The following HIBCH variants were observed in gnomAD, a reference collection of about 807,000 sequenced individuals.
HIBCH encodes 3-hydroxyisobutyryl-CoA hydrolase, mitochondrial.
A neutral mutation model predicts 58.2 loss-of-function variants in HIBCH; 50 were observed. That is an observed-to-expected ratio of 0.86 (90% CI 0.68 to 1.09). HIBCH has a LOEUF of 1.09. HIBCH is among the 50% of genes least tolerant of loss of function. The pLI, the probability that HIBCH is intolerant of heterozygous loss-of-function variation, is 0.00. For synonymous variants in HIBCH, 151 were observed against 146.9 expected, an observed-to-expected ratio of 1.03 and a Z score of -0.20; for missense variants, 450 against 449.7, an observed-to-expected ratio of 1.00 and a Z score of -0.01.
At chr2:190,290,346 C>A (rs1021429983) in intron 5 of HIBCH, 59 bp downstream of exon 5, 2 of 1,159,760 alleles carry the variant, frequency 1.7e-6, no homozygotes, top group Admixed American at 3.4e-5. Flanking sequence ...TAACAAAGTA[C>A]ATACTGTCCA....
chr2:190,228,678 T>C (rs1401252156), intron 11 of HIBCH, among the ~76,000 whole-genome samples: 4 of 152,198 alleles, frequency 2.6e-5, no homozygotes, highest in Non-Finnish European at 5.9e-5. Context: ...AGTGAACACA[T>C]TTCTACTTCT....
At chr2:190,274,200 C>G (rs1687485345) in intron 6 of HIBCH, among the ~76,000 whole-genome samples, 1 of 152,234 alleles carries the variant, frequency 6.6e-6, no homozygotes, top group Non-Finnish European at 1.5e-5. Flanking sequence ...TTCTATTCAA[C>G]TGTCACTAAT....
chr2:190,213,052 T>C lies in HIBCH; in HGVS notation c.915A>G (p.Thr305=), dbSNP rs1690550104. The C allele has an allele frequency of 6.2e-7, 1 of 1,608,786 alleles. No individual in the cohort carries two copies. Among genetic ancestry groups the C allele is most frequent in the African/African-American group, 1.3e-5 (1 of 74,804 alleles). Residue 305 remains threonine, a synonymous_variant, in exon 12 of 14, where the codon ACA becomes ACG. Coordinates refer to ENST00000359678, the MANE Select transcript of HIBCH (RefSeq NM_014362.4). ...GTTGCCTTAGTGTGATCTTTAGAGA[T>C]GTTGGAGACATTTTATTAATTACCT... is the stretch of plus-strand genomic sequence containing the variant. The part of the protein sequence containing the change: ...QLKVINKMSP[T]SLKITLRQLM...
intron 1 of HIBCH, among the ~76,000 whole-genome samples, chr2:190,191,687 G>T (rs1474015964): frequency 1.3e-5 from 2 of 152,094 alleles, no homozygotes; most frequent in African/African-American, 4.8e-5. Context: ...TTCTTATCAT[G>T]GCTGTAATTT....
At chr2:190,273,893 T>C (rs1687474627) in intron 6 of HIBCH, among the ~76,000 whole-genome samples, 1 of 152,092 alleles carries the variant, frequency 6.6e-6, no homozygotes, top group Non-Finnish European at 1.5e-5. Context: ...CACTGCAGCC[T>C]TGAATTCCTA....
chr2:190,198,099 T>A (rs1380887759), intron 1 of HIBCH, among the ~76,000 whole-genome samples: 1 of 152,108 alleles, frequency 6.6e-6, no homozygotes, highest in Non-Finnish European at 1.5e-5. Flanking sequence ...AATTAACATC[T>A]CTGAAGTATG....
At chr2:190,272,164 G>A (rs1381242181) in intron 6 of HIBCH, among the ~76,000 whole-genome samples, 1 of 152,138 alleles carries the variant, frequency 6.6e-6, no homozygotes, top group African/African-American at 2.4e-5. Flanking sequence ...ATTGTTTAAT[G>A]TATTTCCAGA....
intron 8 of HIBCH, chr2:190,250,269 G>T: frequency 2.5e-6 from 1 of 398,880 alleles, no homozygotes; most frequent in Non-Finnish European, 5.1e-6. Flanking sequence ...CCTTAAGGCC[G>T]GCTGTACTGC....
Position 190,236,743 on chromosome 2 carries a change from C to T in HIBCH, c.891+8144G>A, listed in dbSNP as rs1686286146. 6.6e-6 allele frequency among the ~76,000 whole-genome samples: 1 copy of T among 152,178 alleles called. No homozygotes were observed. Among genetic ancestry groups the T allele is most frequent in the Admixed American group, 6.5e-5 (1 of 15,270 alleles). On this transcript the variant is annotated intron_variant, in intron 11 of 13. Coordinates refer to ENST00000359678, the MANE Select transcript of HIBCH (RefSeq NM_014362.4). This position sits in a 1 kb window ranked among gnomAD's most constrained non-coding sequence, Gnocchi z 4.1. The stretch of plus-strand genomic sequence containing the variant: ...AGAAGGCTGCCTTTTGCAACCTGAT[C>T]TTAAGACTTTTCTGGTAATTTCTTA...
At chr2:190,309,093 T>A (rs2124857119) in intron 2 of HIBCH, among the ~76,000 whole-genome samples, 1 of 152,326 alleles carries the variant, frequency 6.6e-6, no homozygotes, top group South Asian at 2.1e-4. Flanking sequence ...AAGAGAAGTC[T>A]AGGTCCTTGT....
intron 7 of HIBCH, among the ~76,000 whole-genome samples, chr2:190,259,257 TTTTA>T (rs1195210513): frequency 2.0e-5 from 3 of 151,972 alleles, no homozygotes; most frequent in Admixed American, 6.6e-5. Flanking sequence ...TGTAATATCT[TTTTA>T]TTTATTTGTG....
chr2:190,203,690 T>C (rs146858395), downstream of HIBCH, among the ~76,000 whole-genome samples: 82 of 152,264 alleles, frequency 5.4e-4, no homozygotes, highest in African/African-American at 2.0e-3. Flanking sequence ...TATCATGGCA[T>C]CTTTATTCCA....
intron 11 of HIBCH, among the ~76,000 whole-genome samples, chr2:190,218,979 AGGCAACTACTCAGCT>A (rs1404765952): frequency 6.6e-6 from 1 of 152,230 alleles, no homozygotes; most frequent in Non-Finnish European, 1.5e-5. Context: ...AGTCAAACAA[AGGCAACTACTCAGCT>A]CTTCATATAC....
At chr2:190,244,041 A>C (rs1017635325) in intron 11 of HIBCH, among the ~76,000 whole-genome samples, 1 of 152,218 alleles carries the variant, frequency 6.6e-6, no homozygotes, top group Admixed American at 6.5e-5. Context: ...AAGACTATCA[A>C]AATTTTTTCT....
chr2:190,191,731 T>A (rs1271082013), intron 1 of HIBCH, among the ~76,000 whole-genome samples: 1 of 152,228 alleles, frequency 6.6e-6, no homozygotes, highest in Non-Finnish European at 1.5e-5. Flanking sequence ...ATTGAGCATC[T>A]TTCATGTACT....
intron 6 of HIBCH, among the ~76,000 whole-genome samples, chr2:190,272,453 T>G (rs566937210): frequency 6.6e-6 from 1 of 152,204 alleles, no homozygotes; most frequent in South Asian, 2.1e-4. Flanking sequence ...TTCTCTGAAA[T>G]ACTTTCACGC....
intron 11 of HIBCH, among the ~76,000 whole-genome samples, chr2:190,235,359 A>T (rs1373759653): frequency 6.6e-6 from 1 of 152,210 alleles, no homozygotes; most frequent in Non-Finnish European, 1.5e-5. Flanking sequence ...GTTTGCCAAC[A>T]TTCTGCATTT....
chr2:190,287,897 C>T (rs1455026277), intron 5 of HIBCH, among the ~76,000 whole-genome samples: 1 of 152,102 alleles, frequency 6.6e-6, no homozygotes, highest in Non-Finnish European at 1.5e-5. Flanking sequence ...TGGCTGACAC[C>T]TGTAATCTAA....
rs1017621202 is a variant in HIBCH, at chr2:190,294,092, T to C, written c.304+454A>G. ...ATGCTATAAATAAGTACATAGAAGA[T>C]GGTTGCTTTGGGATCTTGAATAGTG... On this transcript the variant is annotated intron_variant, in intron 4 of 13. Transcript: ENST00000359678. 2.1e-5 allele frequency among the ~76,000 whole-genome samples: 3 copies of C among 144,960 alleles called. No individual in the cohort carries two copies. In the South Asian group the frequency reaches 6.5e-4, roughly 32 times the overall value.
Sources: gnomAD v4.1 joint callset for allele counts (sites outside exome capture counted in the v4.1 genomes callset) on GRCh38, gnomAD v4.1.1 for gene constraint, Gnocchi (gnomAD v3.1) non-coding constraint, MANE v1.5 for transcripts, NCBI Gene and HGNC (gene_info 2026-07-23, HGNC 2026-07-21) for gene names.